RNF121: variants seen among roughly 807,000 people sequenced by gnomAD.
RNF121 encodes the protein E3 ubiquitin ligase RNF121.
In RNF121, 21 loss-of-function variants were observed where a neutral mutation model predicts 46.5. That is an observed-to-expected ratio of 0.45 (90% CI 0.32 to 0.65). The LOEUF is 0.65. RNF121 is among the 30% of genes least tolerant of loss of function. The probability of loss-of-function intolerance (pLI) is 0.04; values close to 1 mark genes in which losing one functional copy is unlikely to be tolerated. For synonymous variants in RNF121, 139 were observed against 144.7 expected (o/e 0.96, Z 0.28); for missense variants, 346 against 416.0 (o/e 0.83, Z 1.46).
intron 1 of RNF121, among the ~76,000 whole-genome samples, chr11:71,955,698 A>T (rs556033425): frequency 5.3e-4 from 80 of 152,330 alleles, no homozygotes; most frequent in African/African-American, 1.9e-3. Context: ...GCTTGGTAAG[A>T]TGCAGGTCCA....
intron 6 of RNF121, 58 bp downstream of exon 6, chr11:71,990,775 G>GCA: frequency 6.3e-7 from 1 of 1,596,884 alleles, no homozygotes; most frequent in Non-Finnish European, 8.5e-7. Context: ...TGCTCAAGTT[G>GCA]ATGTCACTTG....
Position 71,929,061 on chromosome 11 carries a change from G to A in RNF121, c.-1G>A, listed in dbSNP as rs142067692. The A allele has an allele frequency of 6.5e-5, 101 of 1,551,324 alleles. No homozygotes were observed. Among genetic ancestry groups the A allele is most frequent in the Non-Finnish European group, 7.8e-5 (90 of 1,147,022 alleles). ...CTGCGGTGAGGGGGCGAGCCGTGAA[G>A]ATGGCGGCAGTGGTGGAGGTGGAGG... On this transcript the variant is annotated 5_prime_UTR_variant, in exon 1 of 9. Coordinates refer to ENST00000361756, the MANE Select transcript of RNF121 (RefSeq NM_018320.5).
At chr11:71,946,515 T>A (rs1953722149) in intron 1 of RNF121, among the ~76,000 whole-genome samples, 1 of 152,142 alleles carries the variant, frequency 6.6e-6, no homozygotes, top group Non-Finnish European at 1.5e-5. Flanking sequence ...AGGCATATGC[T>A]GTCACATTCA....
chr11:71,982,953 G>T (rs370033904), intron 4 of RNF121, 38 bp downstream of exon 4: 3 of 1,555,802 alleles, frequency 1.9e-6, no homozygotes, highest in Non-Finnish European at 2.6e-6. Context: ...CAGGTTTTCC[G>T]AAGCTAATGG....
At chr11:71,996,153 G>C in intron 8 of RNF121, 42 bp from the exon 9 acceptor site, 1 of 1,611,278 alleles carries the variant, frequency 6.2e-7, no homozygotes, top group South Asian at 1.1e-5. Flanking sequence ...ATCACTCCTG[G>C]CAGCTCTTGC....
chr11:71,947,277 G>A (rs965853405), intron 1 of RNF121, among the ~76,000 whole-genome samples: 1 of 152,100 alleles, frequency 6.6e-6, no homozygotes, highest in Non-Finnish European at 1.5e-5. Context: ...GGAGGCCAGC[G>A]CCGGAGGATC....
chr11:71,974,805 T>TC (rs1424974065), intron 3 of RNF121, among the ~76,000 whole-genome samples: 4 of 152,110 alleles, frequency 2.6e-5, no homozygotes, highest in Non-Finnish European at 5.9e-5. Flanking sequence ...TCTCCAGATT[T>TC]CCCCACAAAC....
chr11:71,946,557 C>A (rs1953723550), intron 1 of RNF121, among the ~76,000 whole-genome samples: 1 of 151,448 alleles, frequency 6.6e-6, no homozygotes, highest in Admixed American at 6.6e-5. Context: ...TATGAAAGGT[C>A]CAGAAAAGGC....
chr11:71,936,062 C>T (rs554399450), intron 1 of RNF121, among the ~76,000 whole-genome samples: 11 of 151,446 alleles, frequency 7.3e-5, no homozygotes, highest in South Asian at 4.2e-4. Context: ...TTAGCCAGGA[C>T]GGTCTCCATC....
chr11:71,972,711 A>G (rs146637376), intron 3 of RNF121, among the ~76,000 whole-genome samples: 2 of 152,172 alleles, frequency 1.3e-5, no homozygotes, highest in Admixed American at 1.3e-4. Flanking sequence ...CAGACTGCCA[A>G]ATGTCCCCTG....
intron 3 of RNF121, among the ~76,000 whole-genome samples, chr11:71,976,893 T>C (rs1442518266): frequency 6.6e-6 from 1 of 152,232 alleles, no homozygotes; most frequent in African/African-American, 2.4e-5. Context: ...AAAAGAACCC[T>C]AGAAATAAAC....
In RNF121 at chr11:71,938,314, A is replaced by ATTTTTTTT. The variant is rs71958930; in HGVS notation, c.63+9206_63+9213dup. Among the ~76,000 whole-genome samples, 15 of 94,918 alleles carry ATTTTTTTT rather than the reference A, an allele frequency of 1.6e-4. 1 individual carries two copies. Among genetic ancestry groups the ATTTTTTTT allele is most frequent in the Non-Finnish European group, 2.0e-4 (10 of 50,694 alleles). The allele number at this position is 94,918 out of a possible 152,430, so 62.3% of individuals were successfully genotyped here. ...AGCATTTTACGTGTGTAGTCTCTTA[A>ATTTTTTTT]TTTTTTTTTTTTTTTTTTTTTTTGA... On this transcript the variant is annotated intron_variant, in intron 1 of 8. Transcript: ENST00000361756.
intron 4 of RNF121, among the ~76,000 whole-genome samples, chr11:71,983,378 T>G (rs1285515035): frequency 1.3e-5 from 2 of 152,252 alleles, no homozygotes; most frequent in Non-Finnish European, 2.9e-5. Flanking sequence ...CCATTTTGTT[T>G]GTCACTGTAT....
intron 4 of RNF121, among the ~76,000 whole-genome samples, chr11:71,985,688 A>T (rs1954758560): frequency 6.6e-6 from 1 of 152,320 alleles, no homozygotes; most frequent in South Asian, 2.1e-4. Flanking sequence ...CTCAGGAACC[A>T]CACAGGCTTG....
intron 5 of RNF121, 89 bp downstream of exon 5, chr11:71,987,200 A>G: frequency 5.9e-6 from 5 of 847,520 alleles, no homozygotes. Context: ...GGTTATTAAC[A>G]GGAGGGACGT....
chr11:71,944,327 T>C (rs4399349), intron 1 of RNF121, among the ~76,000 whole-genome samples: 140,471 of 152,158 alleles, frequency 0.92, 65,115 homozygotes, highest in Non-Finnish European at 0.98. Context: ...AGCGAGACTC[T>C]GTCTCAAAAA....
intron 1 of RNF121, 51 bp downstream of exon 1, chr11:71,929,175 G>T: frequency 6.5e-7 from 1 of 1,532,932 alleles, no homozygotes; most frequent in Non-Finnish European, 8.8e-7. Flanking sequence ...CTGAGGGGAG[G>T]GGCAGTGAGG....
Position 71,990,602 on chromosome 11 carries a change from A to T in RNF121, c.512A>T (p.Lys171Ile). ...LFGLNLLFKI[K>I]PEDAMDFGIS... ...CTCTAATGCTTCCCTTGCAGGATCA[A>T]ACCAGAAGATGCCATGGACTTTGGC... The change falls in exon 6 of 9, where the codon AAA becomes ATA. Residue 171 changes from lysine to isoleucine, a missense_variant. Lys to Ile is a moderately radical substitution (Grantham distance 102). Around this residue, in one of 2 missense-constraint regions of RNF121, gnomAD observed 286 missense variants for 383.8 expected, o/e 0.75. Transcript: ENST00000361756. 1 of 1,614,016 alleles carries T rather than the reference A, an allele frequency of 6.2e-7. No individual in the cohort carries two copies. Among genetic ancestry groups the T allele is most frequent in the Non-Finnish European group, 8.5e-7 (1 of 1,179,948 alleles).
intron 1 of RNF121, among the ~76,000 whole-genome samples, chr11:71,941,551 G>A (rs1195657897): frequency 6.6e-6 from 1 of 152,182 alleles, no homozygotes; most frequent in Non-Finnish European, 1.5e-5. Context: ...AAATAAACAG[G>A]ATAACTCCAG....
Sources: allele counts gnomAD v4.1 joint callset (sites outside exome capture counted in the v4.1 genomes callset), GRCh38; gene constraint gnomAD v4.1.1; regional missense constraint gnomAD v4.1.1; transcripts MANE v1.5; gene names NCBI Gene and HGNC (gene_info 2026-07-23, HGNC 2026-07-21).